Variants in ZFYVE1 observed in about 807,000 individuals in gnomAD.
The protein encoded by ZFYVE1 is zinc finger FYVE domain-containing protein 1.
Under a neutral mutation model 74.4 loss-of-function variants are expected in ZFYVE1, and 30 were observed. The observed-to-expected ratio is 0.40, with a 90% CI of 0.30 to 0.55. The LOEUF is 0.55. Among genes scored for constraint, ZFYVE1 ranks in the 20% least tolerant of loss-of-function variants. ZFYVE1 has a pLI of 0.42. For missense variants in ZFYVE1, 703 were observed against 1,011.6 expected, an observed-to-expected ratio of 0.69 and a Z score of 4.14; for synonymous variants, 335 against 385.1, an observed-to-expected ratio of 0.87 and a Z score of 1.52.
Position 72,978,242 on chromosome 14 carries a change from A to G in ZFYVE1, c.1420-8T>C. On this transcript the variant is annotated splice_region_variant and splice_polypyrimidine_tract_variant and intron_variant, in intron 6 of 11. Coordinates refer to ENST00000556143, the MANE Select transcript of ZFYVE1 (RefSeq NM_021260.4). ...GCCTCTCTCATAGCAGGCCTGAAAC[A>G]GGAAACACTCTGCTAGCTTATTGTT... The G allele has an allele frequency of 6.2e-7, 1 of 1,613,078 alleles. No homozygotes were observed. The highest frequency in any genetic ancestry group is 8.5e-7 in the Non-Finnish European group (1 of 1,179,136).
chr14:72,989,935 TA>T lies in ZFYVE1; in HGVS notation c.1203+3207del, dbSNP rs200795282. Among the ~76,000 whole-genome samples, 868 of 151,584 alleles carry T rather than the reference TA, an allele frequency of 5.7e-3. 15 individuals carry two copies. The highest frequency in any genetic ancestry group is 0.02 in the African/African-American group (834 of 41,358). On this transcript the variant is annotated intron_variant, in intron 4 of 11. Transcript: ENST00000556143. ...TCTCAAAAGGACTCAAGGCTACTAATAAAAAAAAATTAATACAACAGCATAA... is the reference window on the plus strand; with the variant it reads ...TCTCAAAAGGACTCAAGGCTACTAATAAAAAAAATTAATACAACAGCATAA...
rs1365260885 is a variant in ZFYVE1 at position 72,970,740 on chromosome 14, C to T, written c.*142G>A. On this transcript the variant is annotated 3_prime_UTR_variant, in exon 12 of 12. Coordinates refer to ENST00000556143, the MANE Select transcript of ZFYVE1 (RefSeq NM_021260.4). ...TTCGGGCCTGCCGCCAGGCTCACCCCCACTGAGGGAAAGTGGCCCTGGATG... is the reference window on the plus strand; with the variant it reads ...TTCGGGCCTGCCGCCAGGCTCACCCTCACTGAGGGAAAGTGGCCCTGGATG... 1.1e-6 allele frequency: 1 copy of T among 938,900 alleles called. No homozygotes were observed. The highest frequency in any genetic ancestry group is 1.6e-6 in the Non-Finnish European group (1 of 628,392). 58.2% of individuals were successfully genotyped at this position (938,900 alleles called of 1,614,324 possible). A position where few individuals can be genotyped will look rare whatever the true frequency, so the allele number is the denominator to read the frequency against.
intron 2 of ZFYVE1, among the ~76,000 whole-genome samples, chr14:73,006,685 C>G (rs1023174399): frequency 6.7e-6 from 1 of 148,342 alleles, no homozygotes; most frequent in Non-Finnish European, 1.5e-5. Flanking sequence ...TATAACTGTA[C>G]TCAATGATCC....
At chr14:72,998,964 A>C (rs1310114881) in intron 2 of ZFYVE1, among the ~76,000 whole-genome samples, 1 of 151,890 alleles carries the variant, frequency 6.6e-6, no homozygotes, top group Admixed American at 6.6e-5. Flanking sequence ...AATATTAAAA[A>C]TTTTAAAATA....
Position 72,980,551 on chromosome 14 carries a change from T to G in ZFYVE1, c.1310+1238A>C, listed in dbSNP as rs112317045. On this transcript the variant is annotated intron_variant, in intron 5 of 11. Transcript: ENST00000556143. ...AGAATTAATTAATTTATTTATTTATTTATTTATTTATTTATTTATTTATTT... is the reference window on the plus strand; with the variant it reads ...AGAATTAATTAATTTATTTATTTATGTATTTATTTATTTATTTATTTATTT... Among the ~76,000 whole-genome samples, 562 of 116,392 alleles carry G rather than the reference T, an allele frequency of 4.8e-3. 1 individual carries two copies. The highest frequency in any genetic ancestry group is 0.013 in the African/African-American group (520 of 38,602). The allele number at this position is 116,392 out of a possible 152,430, so 76.4% of individuals were successfully genotyped here.
At chr14:73,023,243 T>TATATATATTATATGTTTTATATATA (rs1555535626) in intron 2 of ZFYVE1, among the ~76,000 whole-genome samples, 3,583 of 116,786 alleles carry the variant, frequency 0.031, 429 homozygotes, top group South Asian at 0.087. Context: ...TTATATGTAA[T>TATATATATTATATGTTTTATATATA]ATATATATTA....
chr14:73,025,781 T>C (rs755881354), intron 1 of ZFYVE1, among the ~76,000 whole-genome samples: 2 of 151,914 alleles, frequency 1.3e-5, no homozygotes, highest in Non-Finnish European at 2.9e-5. Context: ...CCAAGGCATT[T>C]AAGAGACTTT....
intron 8 of ZFYVE1, among the ~76,000 whole-genome samples, chr14:72,976,733 A>C (rs911794685): frequency 2.7e-5 from 4 of 150,398 alleles, no homozygotes; most frequent in Non-Finnish European, 4.4e-5. Context: ...CAGTTAGCCG[A>C]GATCACACCA....
intron 2 of ZFYVE1, among the ~76,000 whole-genome samples, chr14:72,999,124 T>A (rs1465352534): frequency 6.6e-6 from 1 of 151,848 alleles, no homozygotes; most frequent in African/African-American, 2.4e-5. Flanking sequence ...AGACCCTGTG[T>A]CACTACAAAA....
intron 2 of ZFYVE1, among the ~76,000 whole-genome samples, chr14:73,018,367 G>A (rs1362656201): frequency 4.0e-5 from 6 of 148,484 alleles, no homozygotes; most frequent in African/African-American, 1.5e-4. Flanking sequence ...GGAGGCGGAG[G>A]TTGCAGTGAG....
intron 4 of ZFYVE1, chr14:72,986,984 A>G: frequency 1.0e-6 from 1 of 985,110 alleles, no homozygotes; most frequent in Non-Finnish European, 1.2e-6. Flanking sequence ...ACCCCAAGAA[A>G]GCTTGGGAAA....
Position 73,024,150 on chromosome 14 carries a change from A to C in ZFYVE1, c.359T>G (p.Val120Gly). The change falls in exon 2 of 12, where the codon GTG becomes GGG. Residue 120 changes from valine (V) to glycine (G), a missense_variant. By Grantham distance (109) the Val-to-Gly change is moderately radical. This residue lies in a region of ZFYVE1 where 211 missense variants were observed against 221.7 expected (regional missense o/e 0.95). Transcript: ENST00000556143. Reference sequence around the variant, plus strand: ...CTCCTGGAGATTACTGACATTGTACACAGTAACAGGGTGTCTCCTTTTGTT... The same window carrying C: ...CTCCTGGAGATTACTGACATTGTACCCAGTAACAGGGTGTCTCCTTTTGTT... ...GGNKRRHPVT[V>G]YNVSNLQESL... 1 of 1,614,110 alleles carries C rather than the reference A, an allele frequency of 6.2e-7. No homozygotes were observed. Among genetic ancestry groups the C allele is most frequent in the Non-Finnish European group, 8.5e-7 (1 of 1,180,026 alleles).
chr14:72,988,481 C>CT (rs113561605), intron 4 of ZFYVE1, among the ~76,000 whole-genome samples: 23,543 of 149,944 alleles, frequency 0.16, 1,889 homozygotes, highest in East Asian at 0.21. Context: ...GGCCTAATAA[C>CT]TTTTTTTTTA....
chr14:72,969,736 TGACA>T lies in ZFYVE1; in HGVS notation c.*1142_*1145del, dbSNP rs1458898072. 4.3e-6 allele frequency: 3 copies of T among 702,194 alleles called. No individual in the cohort carries two copies. Among genetic ancestry groups the T allele is most frequent in the East Asian group, 5.4e-5 (2 of 37,278 alleles). 43.5% of individuals were successfully genotyped at this position (702,194 alleles called of 1,614,324 possible). A position where few individuals can be genotyped will look rare whatever the true frequency, so the allele number is the denominator to read the frequency against. On this transcript the variant is annotated 3_prime_UTR_variant, in exon 12 of 12. Coordinates refer to ENST00000556143, the MANE Select transcript of ZFYVE1 (RefSeq NM_021260.4). ...CAGCACAACGGGCCCTTTCCAGTCA[TGACA>T]GACAGAGATGTCCAGGCTCTTGAGG...
intron 5 of ZFYVE1, among the ~76,000 whole-genome samples, chr14:72,981,375 A>G (rs1893326331): frequency 6.6e-6 from 1 of 152,162 alleles, no homozygotes; most frequent in African/African-American, 2.4e-5. Flanking sequence ...ACCGACCCAT[A>G]GTGTTTTGCA....
In ZFYVE1 at chr14:72,974,073, G is replaced by C. The variant is rs1893101548; in HGVS notation, c.2101+7C>G. The C allele has an allele frequency of 1.9e-6, 3 of 1,613,680 alleles. No homozygotes were observed. The highest frequency in any genetic ancestry group is 1.3e-5 in the African/African-American group (1 of 75,020). ...ACTACCCCCAAGAGAAGCACTGCCA[G>C]GCCCACCTAGTGGTATGTCAATGGC... On this transcript the variant is annotated splice_region_variant and intron_variant, in intron 11 of 11. Transcript: ENST00000556143.
Position 72,970,596 on chromosome 14 carries a change from A to G in ZFYVE1, c.*286T>C. 1 of 437,904 alleles carries G rather than the reference A, an allele frequency of 2.3e-6. No individual in the cohort carries two copies. The highest frequency in any genetic ancestry group is 2.6e-5 in the South Asian group (1 of 38,342). The allele number at this position is 437,904 out of a possible 1,614,324, so 27.1% of individuals were successfully genotyped here. A position where few individuals can be genotyped will look rare whatever the true frequency, so the allele number is the denominator to read the frequency against. Reference sequence around the variant, plus strand: ...CCCCGAGTGCCTTTCATATGTATATATGAGAGAGAGATATACACATATATA... The same window carrying G: ...CCCCGAGTGCCTTTCATATGTATATGTGAGAGAGAGATATACACATATATA... On this transcript the variant is annotated 3_prime_UTR_variant, in exon 12 of 12. Coordinates refer to ENST00000556143, the MANE Select transcript of ZFYVE1 (RefSeq NM_021260.4).
chr14:72,982,462 A>T (rs1360958638), intron 4 of ZFYVE1, among the ~76,000 whole-genome samples: 2 of 152,228 alleles, frequency 1.3e-5, no homozygotes, highest in Non-Finnish European at 2.9e-5. Flanking sequence ...CCCAAAACAG[A>T]CATTACCCAA....
intron 2 of ZFYVE1, among the ~76,000 whole-genome samples, chr14:73,023,471 T>C (rs1050896621): frequency 1.4e-5 from 2 of 144,446 alleles, no homozygotes; most frequent in African/African-American, 2.5e-5. Flanking sequence ...ATATAATATA[T>C]ATATGAAGAG....
Sources: allele counts gnomAD v4.1 joint callset (sites outside exome capture counted in the v4.1 genomes callset), GRCh38; gene constraint gnomAD v4.1.1; regional missense constraint gnomAD v4.1.1; transcripts MANE v1.5; gene names NCBI Gene and HGNC (gene_info 2026-07-23, HGNC 2026-07-21).